The following RNPC3 variants were observed in gnomAD, a reference collection of about 807,000 sequenced individuals.
RNPC3 encodes the protein RNA-binding region-containing protein 3.
RNPC3 carries 48 observed loss-of-function variants against 67.5 expected under a neutral mutation model. That is an observed-to-expected ratio of 0.71 (90% CI 0.56 to 0.90). The LOEUF (loss-of-function observed/expected upper bound fraction) is 0.90. Ranked by LOEUF, RNPC3 falls within the 40% of genes least tolerant of loss-of-function variation. The pLI is 0.00. For missense variants in RNPC3, 637 were observed against 626.1 expected (o/e 1.02, Z -0.19); for synonymous variants, 239 against 210.3 (o/e 1.14, Z -1.18).
chr1:103,552,334 A>G (rs1651411726), intron 14 of RNPC3: 1 of 152,180 alleles, frequency 6.6e-6, no homozygotes, highest in Non-Finnish European at 1.5e-5. Context: ...TCAGGTAATG[A>G]TGAGGCATCT....
At chr1:103,542,230 A>G (rs1412306929) in intron 8 of RNPC3, among the ~76,000 whole-genome samples, 1 of 152,030 alleles carries the variant, frequency 6.6e-6, no homozygotes, top group Non-Finnish European at 1.5e-5. Context: ...CAGTTGAGAA[A>G]TTTGAAAAGG....
intron 1 of RNPC3, among the ~76,000 whole-genome samples, chr1:103,527,377 A>G (rs1461109775): frequency 6.6e-6 from 1 of 152,242 alleles, no homozygotes; most frequent in Non-Finnish European, 1.5e-5. Flanking sequence ...TCATAAATGA[A>G]GGAAATAAAT....
At chr1:103,532,499 G>A (rs1420793812) in intron 2 of RNPC3, among the ~76,000 whole-genome samples, 3 of 152,060 alleles carry the variant, frequency 2.0e-5, no homozygotes, top group African/African-American at 7.2e-5. Context: ...AGAAGTCTGT[G>A]CTGAAATTAT....
chr1:103,548,681 G>A (rs1403028517), intron 12 of RNPC3, among the ~76,000 whole-genome samples: 3 of 151,212 alleles, frequency 2.0e-5, no homozygotes, highest in Admixed American at 6.6e-5. Flanking sequence ...CTGTTCCAAC[G>A]TCTGCCTGTT....
Position 103,540,040 on chromosome 1 carries a change from A to G in RNPC3, c.768-1310A>G, listed in dbSNP as rs148711294. On this transcript the variant is annotated intron_variant, in intron 7 of 14. Coordinates refer to ENST00000423855, the MANE Select transcript of RNPC3 (RefSeq NM_017619.4). ...ACACCTGGTTAATATAATATTTTTC[A>G]TATTTTTGTAGAGATAGGGTTTCAC... Among the ~76,000 whole-genome samples the G allele has an allele frequency of 9.6e-4, 146 of 152,110 alleles. 2 individuals carry two copies. The Middle Eastern group carries it at 0.031, about 32-fold the overall frequency.
chr1:103,525,746 A>C lies in RNPC3; in HGVS notation c.-325A>C, dbSNP rs1464018899. ...TTGAGCGTCAACCTTCTTTCCCTGA[A>C]GTGGCTGGGGTTCCTGTTTCCTTCT... On this transcript the variant is annotated 5_prime_UTR_variant, in exon 1 of 15. Coordinates refer to ENST00000423855, the MANE Select transcript of RNPC3 (RefSeq NM_017619.4). 1.5e-5 allele frequency: 3 copies of C among 194,380 alleles called. No individual in the cohort carries two copies. The highest frequency in any genetic ancestry group is 7.0e-5 in the African/African-American group (3 of 42,846). 12.0% of individuals were successfully genotyped at this position (194,380 alleles called of 1,614,324 possible).
intron 8 of RNPC3, 60 bp from the exon 9 acceptor site, chr1:103,543,236 A>G: frequency 8.4e-7 from 1 of 1,190,880 alleles, no homozygotes; most frequent in South Asian, 2.2e-5. Flanking sequence ...ACTTGAAATA[A>G]TATTTTACTC....
intron 5 of RNPC3, among the ~76,000 whole-genome samples, chr1:103,535,787 G>T (rs1367033948): frequency 6.6e-6 from 1 of 151,972 alleles, no homozygotes; most frequent in Non-Finnish European, 1.5e-5. Flanking sequence ...GAAGTACAAA[G>T]TATAGATGAT....
chr1:103,532,093 C>T (rs867639121), intron 2 of RNPC3, among the ~76,000 whole-genome samples: 2 of 152,118 alleles, frequency 1.3e-5, no homozygotes, highest in Non-Finnish European at 2.9e-5. Flanking sequence ...GGTGTCTTTT[C>T]CCTACTTTAT....
intron 14 of RNPC3, 83 bp from the exon 15 acceptor site, chr1:103,554,951 T>C (rs1434190653): frequency 2.0e-5 from 3 of 152,174 alleles, no homozygotes; most frequent in Non-Finnish European, 4.4e-5. Flanking sequence ...TTTCTAAATA[T>C]AAATGGTTCA....
Position 103,536,117 on chromosome 1 carries a change from C to A in RNPC3, c.556-9C>A. The A allele has an allele frequency of 6.6e-7, 1 of 1,525,128 alleles. No individual in the cohort carries two copies. The highest frequency in any genetic ancestry group is 8.8e-7 in the Non-Finnish European group (1 of 1,136,772). 94.5% of individuals were successfully genotyped at this position (1,525,128 alleles called of 1,614,324 possible). A position where few individuals can be genotyped will look rare whatever the true frequency, so the allele number is the denominator to read the frequency against. On this transcript the variant is annotated splice_polypyrimidine_tract_variant and intron_variant, in intron 5 of 14. Transcript: ENST00000423855. ...TTATATGTGAATTTAAATGTCTTAC[C>A]ACTTTAAGGTCCTTCATCTTATGAA...
chr1:103,533,663 A>T, intron 2 of RNPC3, 76 bp from the exon 3 acceptor site: 1 of 766,404 alleles, frequency 1.3e-6, no homozygotes, highest in South Asian at 1.6e-5. Context: ...AAAAAAAAAA[A>T]AGTATAAAAA....
At chr1:103,536,093 T>G in intron 5 of RNPC3, 33 bp from the exon 6 acceptor site, 1 of 1,437,272 alleles carries the variant, frequency 7.0e-7, no homozygotes, top group Non-Finnish European at 9.5e-7. Context: ...TGAATCATTT[T>G]ATATGTGAAT....
At position 103,541,341 on chromosome 1, in the gene RNPC3, TC is replaced by T; in HGVS notation, c.768-8del. The T allele has an allele frequency of 6.7e-7, 1 of 1,502,900 alleles. No individual in the cohort carries two copies. Among genetic ancestry groups the T allele is most frequent in the South Asian group, 1.3e-5 (1 of 79,382 alleles). The allele number at this position is 1,502,900 out of a possible 1,614,324, so 93.1% of individuals were successfully genotyped here. A position where few individuals can be genotyped will look rare whatever the true frequency, so the allele number is the denominator to read the frequency against. On this transcript the variant is annotated splice_region_variant and splice_polypyrimidine_tract_variant and intron_variant, in intron 7 of 14. Transcript: ENST00000423855. Reference sequence around the variant, plus strand: ...GAAATTTTGTTTATCATCCCTCTCCTCATTGTAGAATGAACAAATTAATGGA... The same window carrying T: ...GAAATTTTGTTTATCATCCCTCTCCTATTGTAGAATGAACAAATTAATGGA...
intron 2 of RNPC3, among the ~76,000 whole-genome samples, chr1:103,529,227 T>C (rs1429055001): frequency 1.3e-5 from 2 of 152,226 alleles, no homozygotes; most frequent in Non-Finnish European, 2.9e-5. Flanking sequence ...TTTCATATTA[T>C]ATTAATATGT....
rs781553000 is a variant in RNPC3 at position 103,546,357 on chromosome 1, A to T, written c.1302+15A>T. On this transcript the variant is annotated intron_variant, in intron 11 of 14. Transcript: ENST00000423855. Reference sequence around the variant, plus strand: ...TTCAAGAAAAGGTAGGTATAAATTGATTTTTTTTCATGTAAATGAAAATAA... The same window carrying T: ...TTCAAGAAAAGGTAGGTATAAATTGTTTTTTTTTCATGTAAATGAAAATAA... 8.2e-7 allele frequency: 1 copy of T among 1,223,892 alleles called. No homozygotes were observed. Among genetic ancestry groups the T allele is most frequent in the South Asian group, 1.5e-5 (1 of 65,622 alleles). The allele number at this position is 1,223,892 out of a possible 1,614,324, so 75.8% of individuals were successfully genotyped here.
rs200735703 is a variant in RNPC3, at chr1:103,551,090, T to C, written c.1494+17T>C. The stretch of plus-strand genomic sequence containing the variant: ...ATGGTGGTTGTATCCTTTAAATCCA[T>C]CTATTTCAAAACTATATAATTTTTA... On this transcript the variant is annotated intron_variant, in intron 13 of 14. Coordinates refer to ENST00000423855, the MANE Select transcript of RNPC3 (RefSeq NM_017619.4). 3.9e-4 allele frequency: 613 copies of C among 1,578,574 alleles called. 3 individuals carry two copies. The African/African-American group carries it at 7.8e-3, about 20-fold the overall frequency.
chr1:103,547,026 A>G lies in RNPC3; in HGVS notation c.1352A>G (p.Gln451Arg). 1 of 1,495,464 alleles carries G rather than the reference A, an allele frequency of 6.7e-7. No individual in the cohort carries two copies. Among genetic ancestry groups the G allele is most frequent in the Non-Finnish European group, 9.0e-7 (1 of 1,116,240 alleles). The allele number at this position is 1,495,464 out of a possible 1,614,324, so 92.6% of individuals were successfully genotyped here. ...TATGTTGACTTTTCATCAGAAACAC[A>G]GCGGATCATGTAAGTGACAGTAAAA... is the stretch of plus-strand genomic sequence containing the variant. ...GRYVDFSSET[Q>R]RIMFDIRLMK... The change falls in exon 12 of 15, where the codon CAG (glutamine) becomes CGG (arginine). Residue 451 changes from glutamine to arginine, a missense_variant. Physicochemically the swap from Gln to Arg is conservative, Grantham distance 43 (BLOSUM62 1). Transcript: ENST00000423855.
In RNPC3 at chr1:103,537,451, A is replaced by G; in HGVS notation, c.734A>G (p.Glu245Gly). 6.5e-7 allele frequency: 1 copy of G among 1,536,784 alleles called. No individual in the cohort carries two copies. Residue 245 changes from glutamate (E) to glycine (G), a missense_variant, in exon 7 of 15, where the codon GAA (glutamate) becomes GGA (glycine). Around this residue, in one of 3 missense-constraint regions of RNPC3, gnomAD observed 536 missense variants for 500.3 expected, o/e 1.07. Transcript: ENST00000423855. ...EDEELSSEES[E>G]YESTDDEDRQ... ...GAGGAATTATCTAGTGAAGAATCAG[A>G]ATATGAAAGCACTGATGATGAGGAC...
Sources: gnomAD v4.1 joint callset for allele counts (sites outside exome capture counted in the v4.1 genomes callset) on GRCh38, gnomAD v4.1.1 for gene constraint, gnomAD v4.1.1 regional missense constraint, MANE v1.5 for transcripts, NCBI Gene and HGNC (gene_info 2026-07-23, HGNC 2026-07-21) for gene names.